GABBR2: variants seen among roughly 807,000 people sequenced by gnomAD.
GABBR2 encodes the protein gamma-aminobutyric acid type B receptor subunit 2, also known as G-protein coupled receptor 51.
Under a neutral mutation model 105.6 loss-of-function variants are expected in GABBR2, and 23 were observed. The ratio of observed to expected loss-of-function variants is 0.22; its 90% confidence interval spans 0.16 to 0.31. GABBR2 has a LOEUF of 0.31. GABBR2 is among the 10% of genes least tolerant of loss of function. GABBR2 has a pLI of 1.00. For missense variants in GABBR2, 734 were observed against 1,245.5 expected, an observed-to-expected ratio of 0.59 and a Z score of 6.18; for synonymous variants, 478 against 499.7, an observed-to-expected ratio of 0.96 and a Z score of 0.58.
At chr9:98,565,495 C>T (rs1416706743) in intron 2 of GABBR2, among the ~76,000 whole-genome samples, 1 of 152,168 alleles carries the variant, frequency 6.6e-6, no homozygotes, top group African/African-American at 2.4e-5. Flanking sequence ...TCAACTGGCC[C>T]AACCCACTCC....
chr9:98,365,385 A>G (rs1016624718), intron 12 of GABBR2, among the ~76,000 whole-genome samples: 27 of 152,346 alleles, frequency 1.8e-4, no homozygotes, highest in Non-Finnish European at 2.9e-4. Context: ...AGACACAGTG[A>G]CATCTAGGGG....
intron 4 of GABBR2, among the ~76,000 whole-genome samples, chr9:98,485,148 G>A (rs1255152574): frequency 6.6e-6 from 1 of 152,178 alleles, no homozygotes; most frequent in Non-Finnish European, 1.5e-5. Context: ...TTCCTGGAGT[G>A]AAAGCAGATG....
At chr9:98,630,207 C>T (rs1360918441) in intron 1 of GABBR2, among the ~76,000 whole-genome samples, 1 of 152,156 alleles carries the variant, frequency 6.6e-6, no homozygotes, top group East Asian at 1.9e-4. Flanking sequence ...GGGTGAGAAG[C>T]ATCCAGAGAA....
chr9:98,566,793 A>G (rs1828756898), intron 2 of GABBR2, among the ~76,000 whole-genome samples: 1 of 115,638 alleles, frequency 8.6e-6, no homozygotes, highest in Admixed American at 8.9e-5. Context: ...GCTGCAAGAC[A>G]CTGTCAAAAA....
intron 6 of GABBR2, among the ~76,000 whole-genome samples, chr9:98,463,784 C>T (rs1057010743): frequency 5.9e-5 from 9 of 152,228 alleles, no homozygotes; most frequent in Admixed American, 2.0e-4. Flanking sequence ...TCCAGGCACT[C>T]GCCGCCACTC....
chr9:98,689,107 G>A (rs570771541), intron 1 of GABBR2, among the ~76,000 whole-genome samples: 1 of 152,104 alleles, frequency 6.6e-6, no homozygotes, highest in Non-Finnish European at 1.5e-5. Flanking sequence ...CTCCTTCTCT[G>A]GGCCTCAGTT....
chr9:98,533,511 C>G (rs1452995793), intron 3 of GABBR2, among the ~76,000 whole-genome samples: 1 of 152,178 alleles, frequency 6.6e-6, no homozygotes, highest in African/African-American at 2.4e-5. Flanking sequence ...CCCTAAGAAT[C>G]TGGCCTAATG....
intron 13 of GABBR2, among the ~76,000 whole-genome samples, chr9:98,335,150 C>G (rs1432078250): frequency 6.6e-6 from 1 of 152,154 alleles, no homozygotes; most frequent in African/African-American, 2.4e-5. Context: ...CTTCCTTGCT[C>G]TCTCTCTTCC....
intron 1 of GABBR2, among the ~76,000 whole-genome samples, chr9:98,613,159 C>T (rs1247003033): frequency 6.6e-6 from 1 of 152,140 alleles, no homozygotes; most frequent in Non-Finnish European, 1.5e-5. Flanking sequence ...GAGTTGGCAC[C>T]CATGACCACC....
intron 7 of GABBR2, among the ~76,000 whole-genome samples, chr9:98,415,112 T>G (rs941740197): frequency 1.3e-5 from 2 of 152,152 alleles, no homozygotes; most frequent in African/African-American, 4.8e-5. Context: ...AAATTGTATA[T>G]ACAGTATACT....
chr9:98,298,775 C>T (rs1830421939), intron 17 of GABBR2, among the ~76,000 whole-genome samples: 1 of 152,186 alleles, frequency 6.6e-6, no homozygotes, highest in Non-Finnish European at 1.5e-5. Flanking sequence ...GTTATTGTAG[C>T]TTGCAATTCC....
chr9:98,546,966 C>T (rs1490952848), intron 2 of GABBR2, among the ~76,000 whole-genome samples: 1 of 120,660 alleles, frequency 8.3e-6, no homozygotes, highest in Non-Finnish European at 1.9e-5. Context: ...CCCTGTGTTG[C>T]ACTGACACAC....
chr9:98,573,924 C>T (rs561513412), intron 2 of GABBR2, among the ~76,000 whole-genome samples: 1 of 152,272 alleles, frequency 6.6e-6, no homozygotes, highest in South Asian at 2.1e-4. Context: ...TGTTTACTCC[C>T]TTGGAGAAGA....
In GABBR2 at chr9:98,421,054, G is replaced by A. The variant is rs913473062; in HGVS notation, c.1237-14913C>T. Among the ~76,000 whole-genome samples, 11 of 152,196 alleles carry A rather than the reference G, an allele frequency of 7.2e-5. 1 individual carries two copies. Among genetic ancestry groups the A allele is most frequent in the Admixed American group, 7.2e-4 (11 of 15,286 alleles). ...CAAAAACAAACAAGCCAGTAGAAGAGAACAGAACCATGGTTCCCAAACTGG... is the reference window on the plus strand; with the variant it reads ...CAAAAACAAACAAGCCAGTAGAAGAAAACAGAACCATGGTTCCCAAACTGG... On this transcript the variant is annotated intron_variant, in intron 7 of 18. Coordinates refer to ENST00000259455, the MANE Select transcript of GABBR2 (RefSeq NM_005458.8).
intron 8 of GABBR2, among the ~76,000 whole-genome samples, chr9:98,401,680 A>G (rs1832397117): frequency 6.6e-6 from 1 of 152,214 alleles, no homozygotes; most frequent in Non-Finnish European, 1.5e-5. Context: ...GAAGCGAGCT[A>G]CAATTGCAGG....
chr9:98,586,276 TTTTC>T (rs1231975324), intron 1 of GABBR2, among the ~76,000 whole-genome samples: 87 of 145,786 alleles, frequency 6.0e-4, no homozygotes, highest in African/African-American at 1.7e-3. Flanking sequence ...TTTTCTTCTC[TTTTC>T]TTTCTTTTTT....
intron 1 of GABBR2, among the ~76,000 whole-genome samples, chr9:98,671,420 T>C (rs1830405974): frequency 6.6e-6 from 1 of 152,266 alleles, no homozygotes; most frequent in South Asian, 2.1e-4. Context: ...TTAGATTCTT[T>C]CCACCTTATT....
At chr9:98,628,550 T>C (rs1829776707) in intron 1 of GABBR2, among the ~76,000 whole-genome samples, 1 of 152,218 alleles carries the variant, frequency 6.6e-6, no homozygotes, top group Non-Finnish European at 1.5e-5. Context: ...TTCTCTTTTA[T>C]ATAAAAAGTA....
intron 13 of GABBR2, among the ~76,000 whole-genome samples, chr9:98,328,602 G>C (rs1331999279): frequency 6.6e-6 from 1 of 152,246 alleles, no homozygotes; most frequent in Non-Finnish European, 1.5e-5. Context: ...CTGCCAGGAG[G>C]CTGATAAGAG....
Sources: gnomAD v4.1 joint callset for allele counts (sites outside exome capture counted in the v4.1 genomes callset) on GRCh38, gnomAD v4.1.1 for gene constraint, MANE v1.5 for transcripts, NCBI Gene and HGNC (gene_info 2026-07-23, HGNC 2026-07-21) for gene names.